Variants in KIF21A observed in about 807,000 individuals in gnomAD.
KIF21A encodes kinesin family member 21A.
Under a neutral mutation model 202.9 loss-of-function variants are expected in KIF21A, and 114 were observed. The ratio of observed to expected loss-of-function variants is 0.56; its 90% CI spans 0.48 to 0.66. KIF21A has a LOEUF of 0.66. KIF21A is among the 30% of genes least tolerant of loss of function. The pLI, the probability that KIF21A is intolerant of heterozygous loss-of-function variation, is 0.00. For synonymous variants in KIF21A, 667 were observed against 670.8 expected (o/e 0.99, Z 0.09); for missense variants, 1,677 against 1,994.9 (o/e 0.84, Z 3.04).
At chr12:39,391,079 G>T (rs1224660493) in intron 1 of KIF21A, among the ~76,000 whole-genome samples, 3 of 152,178 alleles carry the variant, frequency 2.0e-5, no homozygotes, top group African/African-American at 7.2e-5. Flanking sequence ...AGTCAGGATA[G>T]AAGGAGCCAT....
At chr12:39,295,731 G>A (rs574394914) in intron 37 of KIF21A, among the ~76,000 whole-genome samples, 8 of 112,040 alleles carry the variant, frequency 7.1e-5, no homozygotes, top group South Asian at 2.8e-4. Context: ...ACAGAATCTC[G>A]CTCTGTTGCC....
chr12:39,309,554 T>C (rs200421906), intron 33 of KIF21A, 32 bp downstream of exon 33: 32 of 1,462,996 alleles, frequency 2.2e-5, no homozygotes, highest in Non-Finnish European at 3.0e-5. Context: ...GAGCTATTCC[T>C]CCTTTATGCT....
intron 1 of KIF21A, among the ~76,000 whole-genome samples, chr12:39,389,974 C>A (rs972889051): frequency 6.6e-6 from 1 of 152,152 alleles, no homozygotes. Flanking sequence ...CACACTACCC[C>A]ACACACTATA....
At chr12:39,335,091 A>G (rs1946845338) in intron 17 of KIF21A, among the ~76,000 whole-genome samples, 1 of 152,194 alleles carries the variant, frequency 6.6e-6, no homozygotes, top group Non-Finnish European at 1.5e-5. Context: ...GATACATGTT[A>G]TAACATGGCT....
At chr12:39,341,742 T>C in intron 13 of KIF21A, 120 bp from the exon 14 acceptor site, 3 of 1,093,748 alleles carry the variant, frequency 2.7e-6, no homozygotes, top group African/African-American at 1.6e-5. Context: ...TTGTCATCAG[T>C]ATAAAAATGT....
rs751744115 is a variant in KIF21A, at chr12:39,370,217, A to G, written c.89T>C (p.Ile30Thr). 6.2e-7 allele frequency: 1 copy of G among 1,613,718 alleles called. No individual in the cohort carries two copies. The highest frequency in any genetic ancestry group is 1.1e-5 in the South Asian group (1 of 91,070). ...LAKEKIEGCH[I>T]CTSVTPGEPQ... ...CTCTCCTGGTGTGACAGATGTACAA[A>G]TATGGCATCCTTCAATCTTCTCTTT... The change falls in exon 2 of 38, where the codon ATT becomes ACT. Residue 30 changes from isoleucine to threonine, a missense_variant. By Grantham distance (89) the Ile-to-Thr change is moderately conservative (BLOSUM62 -1). Around this residue, in one of 3 missense-constraint regions of KIF21A, gnomAD observed 966 missense variants for 1,180.9 expected, o/e 0.82. Transcript: ENST00000361418.
rs112752295 is a variant in KIF21A, at chr12:39,389,783, T to C, written c.45-19522A>G. On this transcript the variant is annotated intron_variant, in intron 1 of 37. Coordinates refer to ENST00000361418, the MANE Select transcript of KIF21A (RefSeq NM_001173464.2). ...TCTGAGGTATCTATTGTTATGAAGA[T>C]GGATATCTTTTAAAATGTTAATTCA... Among the ~76,000 whole-genome samples, 286 of 152,268 alleles carry C rather than the reference T, an allele frequency of 1.9e-3. 3 individuals carry two copies. The highest frequency in any genetic ancestry group is 6.6e-3 in the African/African-American group (275 of 41,554).
intron 34 of KIF21A, 64 bp downstream of exon 34, chr12:39,307,501 T>C: frequency 1.3e-6 from 2 of 1,497,100 alleles, no homozygotes; most frequent in Middle Eastern, 1.7e-4. Context: ...CATGCACTAA[T>C]GTTATTAATG....
At chr12:39,299,320 TAAGG>T (rs1407106537) in intron 37 of KIF21A, among the ~76,000 whole-genome samples, 1 of 152,088 alleles carries the variant, frequency 6.6e-6, no homozygotes, top group Non-Finnish European at 1.5e-5. Context: ...GACACTTTTC[TAAGG>T]AAGACATACA....
intron 1 of KIF21A, among the ~76,000 whole-genome samples, chr12:39,413,196 T>G (rs1953256103): frequency 6.6e-6 from 1 of 152,200 alleles, no homozygotes; most frequent in Non-Finnish European, 1.5e-5. Context: ...ATACAGCACT[T>G]GAGAAGGTGC....
chr12:39,413,218 AC>A (rs1330393450), intron 1 of KIF21A, among the ~76,000 whole-genome samples: 2 of 152,246 alleles, frequency 1.3e-5, no homozygotes, highest in African/African-American at 4.8e-5. Context: ...ATTAAGAATA[AC>A]TAAAATTTTG....
At position 39,318,208 on chromosome 12, in the gene KIF21A, G is replaced by GA. The variant is rs771047335; in HGVS notation, c.3780-8dup. The GA allele has an allele frequency of 1.2e-6, 2 of 1,612,042 alleles. No homozygotes were observed. The highest frequency in any genetic ancestry group is 1.7e-6 in the Non-Finnish European group (2 of 1,178,634). On this transcript the variant is annotated splice_region_variant and splice_polypyrimidine_tract_variant and intron_variant, in intron 28 of 37. Transcript: ENST00000361418. ...TGAAGTTCCAGAATCTGAGCTACAA[G>GA]AAAAAAAGAACATTAAGTAGGTGGC...
chr12:39,318,841 C>T (rs1467389514), intron 28 of KIF21A, among the ~76,000 whole-genome samples: 1 of 152,070 alleles, frequency 6.6e-6, no homozygotes, highest in Non-Finnish European at 1.5e-5. Context: ...ATTAGCCGGG[C>T]GTGGTGGCGG....
rs757815392 is a variant in KIF21A at position 39,333,029 on chromosome 12, C to A, written c.2566G>T (p.Asp856Tyr). 2 of 1,613,956 alleles carry A rather than the reference C, an allele frequency of 1.2e-6. No individual in the cohort carries two copies. The highest frequency in any genetic ancestry group is 2.7e-5 in the African/African-American group (2 of 74,930). The stretch of plus-strand genomic sequence containing the variant: ...GAACCTGTGTCCTGAGCAGGTGCAT[C>A]AGATGAACTCAGCTTCCGAGTAACT... ...GKVTRKLSSS[D>Y]APAQDTGSSA... Residue 856 changes from aspartate to tyrosine, a missense_variant, in exon 19 of 38, where the codon GAT (aspartate) becomes TAT (tyrosine). Physicochemically the swap from Asp to Tyr is radical, Grantham distance 160. Transcript: ENST00000361418.
chr12:39,402,272 G>T (rs963172485), intron 1 of KIF21A, among the ~76,000 whole-genome samples: 3 of 152,138 alleles, frequency 2.0e-5, no homozygotes, highest in Non-Finnish European at 4.4e-5. Context: ...CCACAACTTG[G>T]GTAGAACAGG....
intron 12 of KIF21A, among the ~76,000 whole-genome samples, chr12:39,343,736 T>A (rs1201483927): frequency 6.6e-6 from 1 of 152,240 alleles, no homozygotes; most frequent in Non-Finnish European, 1.5e-5. Context: ...ATTTATTTAG[T>A]GTCTGTATTT....
At chr12:39,352,842 T>C (rs530617062) in intron 10 of KIF21A, among the ~76,000 whole-genome samples, 1 of 152,276 alleles carries the variant, frequency 6.6e-6, no homozygotes, top group African/African-American at 2.4e-5. Flanking sequence ...TCCTCACACA[T>C]GAAGACATCA....
chr12:39,373,278 CTT>C (rs1445548112), intron 1 of KIF21A, among the ~76,000 whole-genome samples: 3 of 152,176 alleles, frequency 2.0e-5, no homozygotes, highest in African/African-American at 4.8e-5. Flanking sequence ...TATGCTCTCT[CTT>C]GTTTCTATGC....
In KIF21A at chr12:39,325,863, A is replaced by G. The variant is rs982766161; in HGVS notation, c.3432T>C (p.Cys1144=). ...CCTTGTTCTTAGGTTTCACTTCACCACAAAGCTTCATGAGATCTGAAGACA... is the reference window on the plus strand; with the variant it reads ...CCTTGTTCTTAGGTTTCACTTCACCGCAAAGCTTCATGAGATCTGAAGACA... ...STLSSDLMKL[C]GEVKPKNKAR... The change falls in exon 26 of 38, where the codon TGT becomes TGC. Residue 1144 remains cysteine, a synonymous_variant. Transcript: ENST00000361418. 1.2e-5 allele frequency: 20 copies of G among 1,612,382 alleles called. No homozygotes were observed. The highest frequency in any genetic ancestry group is 1.7e-5 in the Admixed American group (1 of 60,002).
Sources: allele counts gnomAD v4.1 joint callset (sites outside exome capture counted in the v4.1 genomes callset), GRCh38; gene constraint gnomAD v4.1.1; regional missense constraint gnomAD v4.1.1; transcripts MANE v1.5; gene names NCBI Gene and HGNC (gene_info 2026-07-23, HGNC 2026-07-21).